PDCL2: variants seen among roughly 807,000 people sequenced by gnomAD.
PDCL2 encodes the protein phosducin-like protein 2.
In PDCL2, 23 loss-of-function variants were observed where a neutral mutation model predicts 30.3. That is an observed-to-expected ratio of 0.76 (90% CI 0.55 to 1.08). PDCL2 has a LOEUF of 1.08. Ranked by LOEUF, PDCL2 falls within the 50% of genes least tolerant of loss-of-function variation. PDCL2 has a pLI of 0.00. For synonymous variants in PDCL2, 68 were observed against 86.2 expected, an observed-to-expected ratio of 0.79 and a Z score of 1.17; for missense variants, 243 against 282.3, an observed-to-expected ratio of 0.86 and a Z score of 1.00.
At chr4:55,570,252 C>T (rs1459285758) in intron 3 of PDCL2, among the ~76,000 whole-genome samples, 2 of 152,162 alleles carry the variant, frequency 1.3e-5, no homozygotes, top group African/African-American at 4.8e-5. Flanking sequence ...ATTTTAAATA[C>T]ATAACATTAA....
Position 55,569,717 on chromosome 4 carries a change from C to A in PDCL2, c.362+1G>T, listed in dbSNP as rs1232987377. The stretch of plus-strand genomic sequence containing the variant: ...ACATTTTGAAATATTATGGTAATTA[C>A]CTTGATCTGTATAGATGAATTATAA... On this transcript the variant is annotated splice_donor_variant, in intron 4 of 5. Coordinates refer to ENST00000295645, the MANE Select transcript of PDCL2 (RefSeq NM_152401.3). LOFTEE classifies it high-confidence loss of function. 2 of 1,516,270 alleles carry A rather than the reference C, an allele frequency of 1.3e-6. No individual in the cohort carries two copies. Among genetic ancestry groups the A allele is most frequent in the African/African-American group, 1.4e-5 (1 of 71,578 alleles). 93.9% of individuals were successfully genotyped at this position (1,516,270 alleles called of 1,614,324 possible).
intron 4 of PDCL2, 69 bp from the exon 5 acceptor site, chr4:55,562,681 A>G: frequency 9.5e-7 from 1 of 1,048,474 alleles, no homozygotes; most frequent in South Asian, 2.0e-5. Flanking sequence ...TGAAATAAGT[A>G]AAATATCGCC....
intron 4 of PDCL2, among the ~76,000 whole-genome samples, chr4:55,567,781 C>T (rs1732306617): frequency 6.6e-6 from 1 of 152,132 alleles, no homozygotes; most frequent in African/African-American, 2.4e-5. Flanking sequence ...TCTTCACAAA[C>T]CTGCTCATAA....
At chr4:55,578,543 T>C (rs903066155) in intron 3 of PDCL2, among the ~76,000 whole-genome samples, 3 of 152,186 alleles carry the variant, frequency 2.0e-5, no homozygotes, top group African/African-American at 7.2e-5. Context: ...AGAGATGTAT[T>C]TTTGGAGTTC....
chr4:55,556,663 T>TAC lies in PDCL2; in HGVS notation c.619_620insGT (p.Glu207GlyfsTer10). The TAC allele has an allele frequency of 1.3e-6, 2 of 1,570,204 alleles. No individual in the cohort carries two copies. Among genetic ancestry groups the TAC allele is most frequent in the Non-Finnish European group, 1.7e-6 (2 of 1,155,714 alleles). ...TACCATGTCTTTTCTGGGGTTTTCT[T>TAC]CCAAATCAGTCTGTATTGCTCCAAC... On this transcript the variant is annotated frameshift_variant, in exon 6 of 6. Transcript: ENST00000295645. LOFTEE classifies it high-confidence loss of function.
At position 55,560,225 on chromosome 4, in the gene PDCL2, A is replaced by G. The variant is rs144692662; in HGVS notation, c.571+2179T>C. Among the ~76,000 whole-genome samples the G allele has an allele frequency of 6.2e-3, 938 of 151,554 alleles. 18 individuals are homozygous for G. The highest frequency in any genetic ancestry group is 0.021 in the African/African-American group (872 of 41,354). Reference sequence around the variant, plus strand: ...ACGAGATACACACTAAATTCGTGATAGTTTTTGCCCCTAAGGAAGCAGGGA... The same window carrying G: ...ACGAGATACACACTAAATTCGTGATGGTTTTTGCCCCTAAGGAAGCAGGGA... On this transcript the variant is annotated intron_variant, in intron 5 of 5. Transcript: ENST00000295645.
chr4:55,591,220 A>C (rs2412664), intron 1 of PDCL2, among the ~76,000 whole-genome samples: 122,704 of 151,914 alleles, frequency 0.81, 49,757 homozygotes, highest in East Asian at 0.9. Flanking sequence ...GAAAAATCCC[A>C]GTGGTTTTAA....
At chr4:55,566,429 C>CTTTTTTTTT (rs59299412) in intron 4 of PDCL2, among the ~76,000 whole-genome samples, 13 of 126,910 alleles carry the variant, frequency 1.0e-4, no homozygotes, top group Non-Finnish European at 1.3e-4. Context: ...TCCTTTTTCT[C>CTTTTTTTTT]TTTTTTTTTT....
At chr4:55,561,391 ATC>A (rs900639859) in intron 5 of PDCL2, among the ~76,000 whole-genome samples, 3 of 152,040 alleles carry the variant, frequency 2.0e-5, no homozygotes, top group Non-Finnish European at 4.4e-5. Context: ...GCGAACCCCC[ATC>A]TCTACTAAAA....
chr4:55,565,596 C>T (rs1732240438), intron 4 of PDCL2, among the ~76,000 whole-genome samples: 1 of 152,092 alleles, frequency 6.6e-6, no homozygotes, highest in Admixed American at 6.6e-5. Flanking sequence ...CATGTCCCTC[C>T]CACGACAAAT....
chr4:55,561,680 GC>G (rs1436148045), intron 5 of PDCL2, among the ~76,000 whole-genome samples: 1 of 152,102 alleles, frequency 6.6e-6, no homozygotes, highest in Non-Finnish European at 1.5e-5. Context: ...TTAAAGCAGT[GC>G]CAAAAAATGA....
In PDCL2 at chr4:55,569,738, T is replaced by C; in HGVS notation, c.342A>G (p.Ile114Met). 6.4e-7 allele frequency: 1 copy of C among 1,557,186 alleles called. No homozygotes were observed. Among genetic ancestry groups the C allele is most frequent in the Non-Finnish European group, 8.7e-7 (1 of 1,149,968 alleles). The stretch of plus-strand genomic sequence containing the variant: ...ATTACCTTGATCTGTATAGATGAAT[T>C]ATAACCCACACATCTTCTTCTGCAT... ...VTNAEEDVWV[I>M]IHLYRSSIPM... The change falls in exon 4 of 6, where the codon ATA (isoleucine) becomes ATG (methionine). Residue 114 changes from isoleucine to methionine, a missense_variant. Transcript: ENST00000295645.
At chr4:55,580,766 ATTC>A in intron 3 of PDCL2, 52 bp downstream of exon 3, 2 of 1,260,862 alleles carry the variant, frequency 1.6e-6, no homozygotes, top group Non-Finnish European at 2.2e-6. Context: ...CTTTAGTTTT[ATTC>A]TTATTATACT....
intron 5 of PDCL2, among the ~76,000 whole-genome samples, chr4:55,558,039 T>G (rs1204756657): frequency 6.6e-6 from 1 of 150,568 alleles, no homozygotes; most frequent in Non-Finnish European, 1.5e-5. Flanking sequence ...GAGAATCGCT[T>G]GAACCCAGGA....
chr4:55,591,935 G>GT (rs1733013832), intron 1 of PDCL2, among the ~76,000 whole-genome samples, 169 bp downstream of exon 1: 2 of 152,202 alleles, frequency 1.3e-5, no homozygotes, highest in African/African-American at 4.8e-5. Context: ...TCTCCTAGAG[G>GT]ATTTTTCTCA....
At chr4:55,578,701 A>C (rs1325928768) in intron 3 of PDCL2, among the ~76,000 whole-genome samples, 1 of 152,160 alleles carries the variant, frequency 6.6e-6, no homozygotes, top group Non-Finnish European at 1.5e-5. Context: ...TTCTCAGTAC[A>C]ACATACCAGG....
intron 3 of PDCL2, among the ~76,000 whole-genome samples, chr4:55,578,537 A>G (rs1732627718): frequency 6.6e-6 from 1 of 151,880 alleles, no homozygotes; most frequent in Non-Finnish European, 1.5e-5. Flanking sequence ...TTAGGTAGAG[A>G]TGTATTTTTG....
intron 1 of PDCL2, among the ~76,000 whole-genome samples, chr4:55,591,076 T>TA (rs1165991541): frequency 6.6e-6 from 1 of 152,184 alleles, no homozygotes; most frequent in Non-Finnish European, 1.5e-5. Context: ...TACACACATA[T>TA]AAAATGTGCT....
In PDCL2 at chr4:55,562,463, T is replaced by C. The variant is rs756993572; in HGVS notation, c.512A>G (p.Gln171Arg). 6.5e-7 allele frequency: 1 copy of C among 1,539,538 alleles called. No homozygotes were observed. Among genetic ancestry groups the C allele is most frequent in the Non-Finnish European group, 8.7e-7 (1 of 1,143,688 alleles). The change falls in exon 5 of 6, where the codon CAG (glutamine) becomes CGG (arginine). Residue 171 changes from glutamine to arginine, a missense_variant. Physicochemically the swap from Gln to Arg is conservative, Grantham distance 43. Coordinates refer to ENST00000295645, the MANE Select transcript of PDCL2 (RefSeq NM_152401.3). ...LPTIFVYKNG[Q>R]IEAKFIGIIE... ...AATTCCAATGAATTTGGCTTCTATC[T>C]GACCATTTTTATACACAAAAATTGT...
Sources: allele counts gnomAD v4.1 joint callset (sites outside exome capture counted in the v4.1 genomes callset), GRCh38; gene constraint gnomAD v4.1.1; transcripts MANE v1.5; gene names NCBI Gene and HGNC (gene_info 2026-07-23, HGNC 2026-07-21).